CCDC32: variants seen among roughly 807,000 people sequenced by gnomAD.
CCDC32 encodes coiled-coil domain-containing protein 32.
In CCDC32, 9 loss-of-function variants were observed where a neutral mutation model predicts 20.1. The ratio of observed to expected loss-of-function variants is 0.45; its 90% confidence interval spans 0.27 to 0.78. The LOEUF (loss-of-function observed/expected upper bound fraction) is 0.78, where lower values mean the gene tolerates loss of function less well. CCDC32 is among the 30% of genes least tolerant of loss of function. CCDC32 has a pLI of 0.16. For missense variants in CCDC32, 204 were observed against 215.5 expected (o/e 0.95, Z 0.33); for synonymous variants, 63 against 79.0 (o/e 0.80, Z 1.07).
At chr15:40,522,597 C>T in the CCDC32 span, among the ~76,000 whole-genome samples, 1 of 152,306 alleles carries the variant, frequency 6.6e-6, no homozygotes, top group East Asian at 1.9e-4. Context: ...GAACATAGAA[C>T]GTCTTTCCTT....
downstream of CCDC32, among the ~76,000 whole-genome samples, chr15:40,527,422 C>T (rs539471994): frequency 1.6e-4 from 24 of 152,338 alleles, no homozygotes; most frequent in African/African-American, 4.3e-4. Flanking sequence ...CCACCTGCCT[C>T]GGCCTCCCAA....
At chr15:40,550,084 G>A (rs1326643832), downstream of CCDC32, among the ~76,000 whole-genome samples, 1 of 152,182 alleles carries the variant, frequency 6.6e-6, no homozygotes, top group Admixed American at 6.5e-5. Context: ...CTTGCCAGGC[G>A]CTGAGTGATG....
chr15:40,560,672 C>T (rs1890561468), intron 2 of CCDC32, among the ~76,000 whole-genome samples: 1 of 152,148 alleles, frequency 6.6e-6, no homozygotes, highest in African/African-American at 2.4e-5. Flanking sequence ...TGGTGAGCTA[C>T]CACCTCACCC....
At chr15:40,539,135 T>C (rs531633043), downstream of CCDC32, 7 of 915,930 alleles carry the variant, frequency 7.6e-6, no homozygotes, top group East Asian at 1.8e-4. Flanking sequence ...CAGAGGGAAG[T>C]AGTTGTTGCT....
intron 3 of CCDC32, among the ~76,000 whole-genome samples, chr15:40,546,904 T>C (rs1161097503): frequency 6.6e-6 from 1 of 152,072 alleles, no homozygotes; most frequent in African/African-American, 2.4e-5. Context: ...GGTTTCGCCA[T>C]GTTGACCAGG....
Position 40,554,052 on chromosome 15 carries a change from A to G in CCDC32, c.477T>C (p.Ile159=), listed in dbSNP as rs1028396957. 6.8e-6 allele frequency: 11 copies of G among 1,613,814 alleles called. No homozygotes were observed. The highest frequency in any genetic ancestry group is 1.7e-5 in the Admixed American group (1 of 59,950). The change falls in exon 4 of 4, where the codon ATT becomes ATC. Residue 159 remains isoleucine (I), a synonymous_variant. Transcript: ENST00000416810. ...AVSTEEVQYL[I]PPESQVEKPV... is the part of the protein sequence containing the mutation. ...GCTTCTCAACCTGTGACTCTGGAGG[A>G]ATCAGATACTGGACCTCCTCTGTGC...
chr15:40,553,457 C>T lies in CCDC32; in HGVS notation c.*514G>A. 1.0e-6 allele frequency: 1 copy of T among 985,986 alleles called. No individual in the cohort carries two copies. Among genetic ancestry groups the T allele is most frequent in the Non-Finnish European group, 1.2e-6 (1 of 830,388 alleles). 61.1% of individuals were successfully genotyped at this position (985,986 alleles called of 1,614,324 possible). Reference sequence around the variant, plus strand: ...CTTACTACAGATTTGTTAGAGAAGCCCCAGATGGGGCTTGGATTCAAGGAG... The same window carrying T: ...CTTACTACAGATTTGTTAGAGAAGCTCCAGATGGGGCTTGGATTCAAGGAG... On this transcript the variant is annotated 3_prime_UTR_variant, in exon 4 of 4. Transcript: ENST00000416810.
chr15:40,556,025 T>C (rs993338685), intron 3 of CCDC32, among the ~76,000 whole-genome samples: 4 of 152,220 alleles, frequency 2.6e-5, no homozygotes, highest in African/African-American at 9.7e-5. Flanking sequence ...CATTTAACCC[T>C]CATAACAACT....
downstream of CCDC32, chr15:40,536,346 C>T (rs565976304): frequency 6.6e-6 from 1 of 152,454 alleles, no homozygotes; most frequent in East Asian, 1.9e-4. Context: ...GCCCTGTCTT[C>T]CCACTCTGAA....
Position 40,562,993 on chromosome 15 carries a change from T to A in CCDC32, c.23A>T (p.Asp8Val). 6.2e-7 allele frequency: 1 copy of A among 1,614,090 alleles called. No individual in the cohort carries two copies. Among genetic ancestry groups the A allele is most frequent in the South Asian group, 1.1e-5 (1 of 91,080 alleles). The change falls in exon 2 of 4, where the codon GAC (aspartate) becomes GTC (valine). Residue 8 changes from aspartate (D) to valine (V), a missense_variant. Asp to Val is a radical substitution (Grantham distance 152, BLOSUM62 -3). Coordinates refer to ENST00000416810, the MANE Select transcript of CCDC32 (RefSeq NM_001080792.4). MKMFESA[D>V]STATRSGQDL... ...CTGGCCAGATCTTGTGGCTGTAGAG[T>A]CAGCGCTCTCAAACATTTTCATTTG...
At chr15:40,540,434 A>G (rs1328003686) in intron 3 of CCDC32, among the ~76,000 whole-genome samples, 1 of 145,516 alleles carries the variant, frequency 6.9e-6, no homozygotes, top group Non-Finnish European at 1.5e-5. Flanking sequence ...ATGGCGTGAT[A>G]TCGGCTCACT....
downstream of CCDC32, among the ~76,000 whole-genome samples, chr15:40,523,899 A>T (rs1595880713): frequency 6.6e-6 from 1 of 152,326 alleles, no homozygotes; most frequent in Middle Eastern, 3.4e-3. Context: ...AGTTTTTAAA[A>T]ATAAAACTAA....
At position 40,554,030 on chromosome 15, in the gene CCDC32, T is replaced by G. The variant is rs1455690871; in HGVS notation, c.499A>C (p.Lys167Gln). 1 of 1,613,676 alleles carries G rather than the reference T, an allele frequency of 6.2e-7. No homozygotes were observed. The highest frequency in any genetic ancestry group is 1.7e-5 in the Admixed American group (1 of 59,928). ...GCTGGCTCGTCCTCGGCCACTGGCT[T>G]CTCAACCTGTGACTCTGGAGGAATC... ...YLIPPESQVE[K>Q]PVAEDEPAAG... The change falls in exon 4 of 4, where the codon AAG becomes CAG. Residue 167 changes from lysine (K) to glutamine (Q), a missense_variant. Lys to Gln is a moderately conservative substitution (Grantham distance 53, BLOSUM62 1). Coordinates refer to ENST00000416810, the MANE Select transcript of CCDC32 (RefSeq NM_001080792.4).
At chr15:40,544,910 C>T (rs892612903) in intron 3 of CCDC32, among the ~76,000 whole-genome samples, 1 of 152,204 alleles carries the variant, frequency 6.6e-6, no homozygotes, top group African/African-American at 2.4e-5. Flanking sequence ...TGTCCCATCA[C>T]TCTAGTCTAT....
At chr15:40,546,410 A>T (rs1889620783) in intron 3 of CCDC32, among the ~76,000 whole-genome samples, 1 of 151,886 alleles carries the variant, frequency 6.6e-6, no homozygotes, top group African/African-American at 2.4e-5. Flanking sequence ...GCTGGTCTCA[A>T]ACTCCTGTGC....
intron 1 of CCDC32, 87 bp from the exon 2 acceptor site, chr15:40,563,114 A>C (rs1382135150): frequency 1.4e-6 from 2 of 1,463,244 alleles, no homozygotes; most frequent in Admixed American, 4.2e-5. Context: ...TGTAATCCCA[A>C]CACTTTGGGA....
intron 3 of CCDC32, among the ~76,000 whole-genome samples, chr15:40,547,640 G>A (rs1889674869): frequency 6.6e-6 from 1 of 152,204 alleles, no homozygotes; most frequent in South Asian, 2.1e-4. Context: ...AGAAGGTTTT[G>A]ACACCTCACC....
At chr15:40,523,499 C>T in the CCDC32 span, among the ~76,000 whole-genome samples, 8 of 133,254 alleles carry the variant, frequency 6.0e-5, no homozygotes, top group Admixed American at 6.1e-4. Flanking sequence ...AGCGAAACTC[C>T]ATCTCAAAAA....
downstream of CCDC32, among the ~76,000 whole-genome samples, chr15:40,548,254 T>C (rs1331358507): frequency 6.6e-6 from 1 of 152,178 alleles, no homozygotes; most frequent in East Asian, 1.9e-4. Flanking sequence ...ACATCCTAAG[T>C]GGAAAAAGTC....
Sources: gnomAD v4.1 joint callset for allele counts (sites outside exome capture counted in the v4.1 genomes callset) on GRCh38, gnomAD v4.1.1 for gene constraint, MANE v1.5 for transcripts, NCBI Gene and HGNC (gene_info 2026-07-23, HGNC 2026-07-21) for gene names.